Variants in PTPRR observed in about 807,000 individuals in gnomAD.
The protein encoded by PTPRR is receptor-type tyrosine-protein phosphatase R.
PTPRR carries 38 observed loss-of-function variants against 77.2 expected under a neutral mutation model. The ratio of observed to expected loss-of-function variants is 0.49; its 90% CI spans 0.38 to 0.65. The LOEUF (loss-of-function observed/expected upper bound fraction) is 0.65, where lower values mean the gene tolerates loss of function less well. Among genes scored for constraint, PTPRR ranks in the 30% least tolerant of loss-of-function variants. The pLI, the probability that PTPRR is intolerant of heterozygous loss-of-function variation, is 0.00. For synonymous variants in PTPRR, 299 were observed against 283.1 expected, an observed-to-expected ratio of 1.06 and a Z score of -0.57; for missense variants, 744 against 799.2, an observed-to-expected ratio of 0.93 and a Z score of 0.83.
At chr12:70,692,208 G>A (rs559252026) in intron 8 of PTPRR, among the ~76,000 whole-genome samples, 11 of 152,124 alleles carry the variant, frequency 7.2e-5, no homozygotes, top group South Asian at 4.1e-4. Flanking sequence ...CTATTTGTCC[G>A]TTGGACTCAA....
At chr12:70,784,384 C>T (rs1891275834) in intron 2 of PTPRR, among the ~76,000 whole-genome samples, 1 of 152,208 alleles carries the variant, frequency 6.6e-6, no homozygotes, top group East Asian at 1.9e-4. Context: ...GGCTCCAGAT[C>T]CTTGCTGGGC....
intron 3 of PTPRR, among the ~76,000 whole-genome samples, chr12:70,764,008 CTTTTTTT>C (rs1249116948): frequency 3.8e-5 from 5 of 132,180 alleles, no homozygotes; most frequent in Admixed American, 7.6e-5. Flanking sequence ...TTTGGGTTTA[CTTTTTTT>C]TTTTTTTTTT....
chr12:70,882,558 A>G (rs1176825421), intron 2 of PTPRR, among the ~76,000 whole-genome samples: 2 of 152,198 alleles, frequency 1.3e-5, no homozygotes, highest in Non-Finnish European at 2.9e-5. Context: ...GTTTACATTT[A>G]TTTATAAAAA....
At chr12:70,850,799 T>C (rs1276786026) in intron 2 of PTPRR, among the ~76,000 whole-genome samples, 3 of 152,182 alleles carry the variant, frequency 2.0e-5, no homozygotes, top group Non-Finnish European at 4.4e-5. Flanking sequence ...ATTTTGCAAG[T>C]TCCTTTTCTT....
intron 1 of PTPRR, among the ~76,000 whole-genome samples, chr12:70,896,594 G>A (rs1893432693): frequency 6.6e-6 from 1 of 151,620 alleles, no homozygotes; most frequent in Non-Finnish European, 1.5e-5. Flanking sequence ...CCAAAATTTG[G>A]AAATTAAAAA....
At chr12:70,746,857 GA>G (rs1184535197) in intron 5 of PTPRR, among the ~76,000 whole-genome samples, 1 of 151,606 alleles carries the variant, frequency 6.6e-6, no homozygotes, top group Non-Finnish European at 1.5e-5. Flanking sequence ...CCTAAGAAAA[GA>G]AAGACATTTT....
chr12:70,877,104 T>C (rs1893064521), intron 2 of PTPRR, among the ~76,000 whole-genome samples: 1 of 152,132 alleles, frequency 6.6e-6, no homozygotes, highest in African/African-American at 2.4e-5. Flanking sequence ...GACGTGCCAG[T>C]TGGCTCAACA....
At chr12:70,858,528 T>C (rs1892691969) in intron 2 of PTPRR, among the ~76,000 whole-genome samples, 1 of 152,016 alleles carries the variant, frequency 6.6e-6, no homozygotes, top group African/African-American at 2.4e-5. Flanking sequence ...ATGCCTTTTG[T>C]GGAGAGAAAA....
chr12:70,672,147 T>G, intron 10 of PTPRR: 1 of 1,462,138 alleles, frequency 6.8e-7, no homozygotes, highest in Non-Finnish European at 9.5e-7. Context: ...GAGGCCATCC[T>G]CTCAGTGGCA....
At chr12:70,850,101 T>C (rs1592791917) in intron 2 of PTPRR, among the ~76,000 whole-genome samples, 1 of 152,068 alleles carries the variant, frequency 6.6e-6, no homozygotes, top group Non-Finnish European at 1.5e-5. Context: ...GTGGCTCACC[T>C]CTGTAATCCC....
At chr12:70,803,496 T>C (rs1454565063) in intron 2 of PTPRR, among the ~76,000 whole-genome samples, 1 of 152,030 alleles carries the variant, frequency 6.6e-6, no homozygotes, top group African/African-American at 2.4e-5. Context: ...TTCACAAACA[T>C]GTAACAACTT....
intron 10 of PTPRR, among the ~76,000 whole-genome samples, chr12:70,673,493 C>T (rs1359946009): frequency 6.6e-6 from 1 of 152,108 alleles, no homozygotes; most frequent in Non-Finnish European, 1.5e-5. Flanking sequence ...AGTACATATG[C>T]AACACTAAAT....
intron 3 of PTPRR, among the ~76,000 whole-genome samples, chr12:70,764,373 T>A (rs1023192367): frequency 2.6e-5 from 4 of 152,154 alleles, no homozygotes; most frequent in African/African-American, 9.7e-5. Flanking sequence ...GGACCTAGAC[T>A]TGAACTATGA....
At chr12:70,728,086 T>C (rs961346779) in intron 6 of PTPRR, among the ~76,000 whole-genome samples, 1 of 151,478 alleles carries the variant, frequency 6.6e-6, no homozygotes, top group Non-Finnish European at 1.5e-5. Context: ...TGTGAAATAA[T>C]CCATAGCTAG....
intron 2 of PTPRR, among the ~76,000 whole-genome samples, chr12:70,854,717 A>G (rs1371495345): frequency 6.6e-6 from 1 of 152,218 alleles, no homozygotes; most frequent in Non-Finnish European, 1.5e-5. Context: ...TCTGCCATCC[A>G]CAAACTGTGT....
intron 2 of PTPRR, among the ~76,000 whole-genome samples, chr12:70,863,557 T>C (rs73332164): frequency 0.09 from 13,734 of 152,230 alleles, 724 homozygotes; most frequent in African/African-American, 0.14. Flanking sequence ...ATTATAAATA[T>C]AAGTATGTCA....
intron 9 of PTPRR, 138 bp from the exon 10 acceptor site, chr12:70,684,402 A>G (rs1282426945): frequency 1.1e-5 from 10 of 913,274 alleles, no homozygotes; most frequent in Non-Finnish European, 1.6e-5. Flanking sequence ...CTCTAGTACA[A>G]CAATTTCCAT....
chr12:70,737,002 C>G (rs1889884973), intron 6 of PTPRR, among the ~76,000 whole-genome samples: 1 of 152,214 alleles, frequency 6.6e-6, no homozygotes. Flanking sequence ...TCCTGCCCCA[C>G]TGCTGGGAGG....
Position 70,920,530 on chromosome 12 carries a change from T to G in PTPRR, c.-140A>C. 2.7e-6 allele frequency: 2 copies of G among 735,948 alleles called. No individual in the cohort carries two copies. The highest frequency in any genetic ancestry group is 4.6e-6 in the Non-Finnish European group (2 of 438,442). 45.6% of individuals were successfully genotyped at this position (735,948 alleles called of 1,614,324 possible). ...GCTGGGGTTTGCAGAGCAGTCAGTC[T>G]GTGGCGCCGACAGAAACCAGCACCA... On this transcript the variant is annotated 5_prime_UTR_variant, in exon 1 of 14. Transcript: ENST00000283228.
Sources: allele counts gnomAD v4.1 joint callset (sites outside exome capture counted in the v4.1 genomes callset), GRCh38; gene constraint gnomAD v4.1.1; transcripts MANE v1.5; gene names NCBI Gene and HGNC (gene_info 2026-07-23, HGNC 2026-07-21).